DNAH14: variants seen among roughly 807,000 people sequenced by gnomAD.
DNAH14 encodes axonemal beta dynein heavy chain 14.
In DNAH14, 478 loss-of-function variants were observed where a neutral mutation model predicts 520.9. The observed-to-expected ratio is 0.92, with a 90% confidence interval of 0.85 to 0.99. DNAH14 has a LOEUF of 0.99. Ranked by LOEUF, DNAH14 falls within the 50% of genes least tolerant of loss-of-function variation. The pLI is 0.00. For missense variants in DNAH14, 4,831 were observed against 5,234.5 expected, an observed-to-expected ratio of 0.92 and a Z score of 2.38; for synonymous variants, 1,581 against 1,757.2, an observed-to-expected ratio of 0.90 and a Z score of 2.51.
chr1:225,039,868 A>C (rs1572636762), intron 12 of DNAH14, among the ~76,000 whole-genome samples: 1 of 53,548 alleles, frequency 1.9e-5, no homozygotes, highest in Admixed American at 2.7e-4. Flanking sequence ...ACAGAGCGAG[A>C]CTCCGTCTCA....
At chr1:224,930,132 A>G (rs1207218237) in intron 1 of DNAH14, among the ~76,000 whole-genome samples, 4 of 152,210 alleles carry the variant, frequency 2.6e-5, no homozygotes, top group South Asian at 4.1e-4. Context: ...TTCTAGTCCT[A>G]TATTTCTGAA....
Position 225,367,887 on chromosome 1 carries a change from A to G in DNAH14, c.12173A>G (p.Glu4058Gly). 1.9e-6 allele frequency: 3 copies of G among 1,551,642 alleles called. No homozygotes were observed. Among genetic ancestry groups the G allele is most frequent in the Non-Finnish European group, 8.7e-7 (1 of 1,146,930 alleles). ...ACTGGGAGTGGAGAGGTAACAGAAG[A>G]GATATTTGAAAATCCTGACTGTGGA... The part of the protein sequence containing the change: ...GCTGSGEVTE[E>G]IFENPDCGQW... Residue 4058 changes from glutamate (E) to glycine (G), a missense_variant, in exon 77 of 86, where the codon GAG becomes GGG. Glu to Gly is a moderately conservative substitution (Grantham distance 98). Coordinates refer to ENST00000682510, the MANE Select transcript of DNAH14 (RefSeq NM_001367479.1).
Position 225,198,221 on chromosome 1 carries a change from A to T in DNAH14, c.5886+5310A>T, listed in dbSNP as rs548493042. ...ATTGAGATATGTCCCTTGTATGCCA[A>T]TTTTTTTTTTTTTTTAGATGGAGTC... is the stretch of plus-strand genomic sequence containing the variant. On this transcript the variant is annotated intron_variant, in intron 38 of 85. Transcript: ENST00000682510. Among the ~76,000 whole-genome samples, 11 of 144,804 alleles carry T rather than the reference A, an allele frequency of 7.6e-5. No homozygotes were observed. In the South Asian group the frequency reaches 2.2e-3, roughly 29 times the overall value. 95.0% of individuals were successfully genotyped at this position (144,804 alleles called of 152,430 possible). A position where few individuals can be genotyped will look rare whatever the true frequency, so the allele number is the denominator to read the frequency against.
At chr1:225,392,798 T>G (rs1033010734) in intron 84 of DNAH14, among the ~76,000 whole-genome samples, 10 of 152,226 alleles carry the variant, frequency 6.6e-5, no homozygotes, top group African/African-American at 2.4e-4. Flanking sequence ...TAGCTGCTCA[T>G]GGCCGAAATT....
intron 4 of DNAH14, among the ~76,000 whole-genome samples, chr1:224,963,266 A>G (rs2060956668): frequency 2.0e-5 from 3 of 152,070 alleles, no homozygotes; most frequent in Non-Finnish European, 4.4e-5. Flanking sequence ...CTTGTGTATA[A>G]GTTGCTAAGT....
intron 3 of DNAH14, among the ~76,000 whole-genome samples, chr1:224,955,939 A>G (rs1336131379): frequency 6.6e-6 from 1 of 152,042 alleles, no homozygotes; most frequent in Non-Finnish European, 1.5e-5. Context: ...CTCAACCTGG[A>G]TTCTACCTCC....
chr1:225,365,583 T>C (rs992547561), intron 76 of DNAH14, among the ~76,000 whole-genome samples: 3 of 152,146 alleles, frequency 2.0e-5, no homozygotes, highest in Admixed American at 2.0e-4. Flanking sequence ...GCTCTGCCCG[T>C]CTCCTGTATG....
intron 23 of DNAH14, among the ~76,000 whole-genome samples, chr1:225,105,875 A>G (rs1466061724): frequency 1.3e-5 from 2 of 151,872 alleles, no homozygotes; most frequent in Non-Finnish European, 2.9e-5. Context: ...TGGAGCATTT[A>G]GCCCATTTAC....
chr1:225,223,691 C>G (rs973152856), intron 41 of DNAH14, among the ~76,000 whole-genome samples: 1 of 152,154 alleles, frequency 6.6e-6, no homozygotes, highest in Non-Finnish European at 1.5e-5. Context: ...GACTTCTATA[C>G]TATTCCCCTT....
chr1:225,254,764 A>G lies in DNAH14; in HGVS notation c.6865+2347A>G, dbSNP rs1175673455. ...TTCTATCCCCCAAATATCAAAAGGA[A>G]GACTGTGGACCTAAGTTTTTCTCCA... On this transcript the variant is annotated intron_variant, in intron 44 of 85. Coordinates refer to ENST00000682510, the MANE Select transcript of DNAH14 (RefSeq NM_001367479.1). Among the ~76,000 whole-genome samples the G allele has an allele frequency of 5.9e-5, 9 of 152,188 alleles. No homozygotes were observed. The East Asian group carries it at 1.7e-3, about 29-fold the overall frequency.
Position 225,338,109 on chromosome 1 carries a change from G to A in DNAH14, c.10360G>A (p.Asp3454Asn), listed in dbSNP as rs1342224642. ...APGLKAILKK[D>N]IYQKKGHYFI... ...AGGCTTAAAGGCAATTCTGAAAAAG[G>A]ATATCTATCAGAAAAAAGGACACTA... The change falls in exon 68 of 86, where the codon GAT becomes AAT. Residue 3454 changes from aspartate (D) to asparagine (N), a missense_variant. By Grantham distance (23) the Asp-to-Asn change is conservative. Coordinates refer to ENST00000682510, the MANE Select transcript of DNAH14 (RefSeq NM_001367479.1). 6.4e-7 allele frequency: 1 copy of A among 1,551,392 alleles called. No homozygotes were observed. The highest frequency in any genetic ancestry group is 1.7e-4 in the Middle Eastern group (1 of 5,994).
At chr1:225,226,846 G>T (rs2090584293) in intron 41 of DNAH14, among the ~76,000 whole-genome samples, 1 of 152,028 alleles carries the variant, frequency 6.6e-6, no homozygotes, top group African/African-American at 2.4e-5. Context: ...GTGGGGAGAG[G>T]GTTAGCAGGA....
chr1:225,335,395 A>ACATGTGTGTGTATGCACATATACACG (rs1558428584), intron 66 of DNAH14, among the ~76,000 whole-genome samples: 5 of 66,778 alleles, frequency 7.5e-5, no homozygotes, highest in Admixed American at 3.1e-4. Flanking sequence ...ACATATACAC[A>ACATGTGTGTGTATGCACATATACACG]TGTGTACATG....
intron 81 of DNAH14, among the ~76,000 whole-genome samples, chr1:225,386,565 G>T (rs1316251322): frequency 6.6e-6 from 1 of 152,130 alleles, no homozygotes; most frequent in East Asian, 1.9e-4. Flanking sequence ...TTAAAAAGTG[G>T]GCAAAGGATA....
At chr1:225,056,026 T>C (rs1400286819) in intron 17 of DNAH14, among the ~76,000 whole-genome samples, 1 of 151,926 alleles carries the variant, frequency 6.6e-6, no homozygotes, top group Non-Finnish European at 1.5e-5. Flanking sequence ...AGCAGCATGA[T>C]TTATAATCCT....
At chr1:225,139,650 A>G (rs890569118) in intron 27 of DNAH14, among the ~76,000 whole-genome samples, 1 of 152,334 alleles carries the variant, frequency 6.6e-6, no homozygotes, top group East Asian at 1.9e-4. Flanking sequence ...TAAATAACAA[A>G]CAGTAATTAA....
At chr1:225,386,586 C>T (rs1271948815) in intron 81 of DNAH14, among the ~76,000 whole-genome samples, 7 of 152,218 alleles carry the variant, frequency 4.6e-5, no homozygotes, top group Non-Finnish European at 8.8e-5. Flanking sequence ...TGAACAGACA[C>T]TTCTCAAAAG....
At chr1:225,197,791 T>G (rs1357605075) in intron 38 of DNAH14, among the ~76,000 whole-genome samples, 3 of 152,214 alleles carry the variant, frequency 2.0e-5, no homozygotes, top group Non-Finnish European at 4.4e-5. Flanking sequence ...TTTATTTTTT[T>G]GCAGCTAGTG....
rs1054155980 is a variant in DNAH14 at position 225,266,783 on chromosome 1, T to TAAG, written c.7539+16_7539+18dup. On this transcript the variant is annotated intron_variant, in intron 49 of 85. Transcript: ENST00000682510. ...AATACATGGAAGGTACAGTATATAC[T>TAAG]AAGATTTTGTTCACATTAAGTATTA... The TAAG allele has an allele frequency of 2.7e-6, 4 of 1,471,098 alleles. No homozygotes were observed. The African/African-American group carries it at 5.9e-5, about 22-fold the overall frequency. 91.1% of individuals were successfully genotyped at this position (1,471,098 alleles called of 1,614,324 possible).
Sources: gnomAD v4.1 joint callset for allele counts (sites outside exome capture counted in the v4.1 genomes callset) on GRCh38, gnomAD v4.1.1 for gene constraint, MANE v1.5 for transcripts, NCBI Gene and HGNC (gene_info 2026-07-23, HGNC 2026-07-21) for gene names.